Variants in PRDM16 observed in about 807,000 individuals in gnomAD.
The protein encoded by PRDM16 is histone-lysine N-methyltransferase PRDM16.
A neutral mutation model predicts 110.6 loss-of-function variants in PRDM16; 23 were observed. The ratio of observed to expected loss-of-function variants is 0.21; its 90% CI spans 0.15 to 0.29. PRDM16 has a LOEUF of 0.29. Among genes scored for constraint, PRDM16 ranks in the 10% least tolerant of loss-of-function variants. The probability of loss-of-function intolerance (pLI) is 1.00; values close to 1 mark genes in which losing one functional copy is unlikely to be tolerated. For synonymous variants in PRDM16, 799 were observed against 781.8 expected, an observed-to-expected ratio of 1.02 and a Z score of -0.37; for missense variants, 1,615 against 1,794.3, an observed-to-expected ratio of 0.90 and a Z score of 1.81.
chr1:3,128,750 C>T (rs1643264149), intron 1 of PRDM16, among the ~76,000 whole-genome samples: 2 of 152,348 alleles, frequency 1.3e-5, no homozygotes, highest in South Asian at 4.1e-4. Context: ...CCGGTGGTGG[C>T]AACGCTCCAA....
chr1:3,394,561 C>T (rs1332519018), intron 4 of PRDM16: 2 of 400,770 alleles, frequency 5.0e-6, no homozygotes, highest in Non-Finnish European at 1.0e-5. Context: ...CCACATTGCC[C>T]TCTAACGGGA....
At chr1:3,325,991 C>G (rs1557610563) in intron 3 of PRDM16, among the ~76,000 whole-genome samples, 1 of 146,442 alleles carries the variant, frequency 6.8e-6, no homozygotes, top group Non-Finnish European at 1.5e-5. Flanking sequence ...CCTCGACCAT[C>G]CTTGGCCCCC....
chr1:3,185,992 G>A, intron 1 of PRDM16, 133 bp from the exon 2 acceptor site: 1 of 708,022 alleles, frequency 1.4e-6, no homozygotes, highest in East Asian at 2.6e-5. Flanking sequence ...CCCGGGCAGG[G>A]GTGGCAGCCG....
At chr1:3,164,901 G>A (rs1439309828) in intron 1 of PRDM16, among the ~76,000 whole-genome samples, 3 of 152,192 alleles carry the variant, frequency 2.0e-5, no homozygotes, top group African/African-American at 7.2e-5. Context: ...GCCACCGTGG[G>A]GAATCAGATG....
chr1:3,279,370 C>T (rs957009953), intron 3 of PRDM16, among the ~76,000 whole-genome samples: 6 of 152,206 alleles, frequency 3.9e-5, no homozygotes, highest in Non-Finnish European at 7.3e-5. Context: ...GGCGGGCCCT[C>T]GCGGTGCCTC....
At chr1:3,373,228 C>A (rs1034275026) in intron 3 of PRDM16, among the ~76,000 whole-genome samples, 1 of 152,186 alleles carries the variant, frequency 6.6e-6, no homozygotes, top group Admixed American at 6.5e-5. Flanking sequence ...CCCCCTGCTG[C>A]AGTGCCGGCG....
At chr1:3,388,001 C>A (rs1364312099) in intron 4 of PRDM16, among the ~76,000 whole-genome samples, 1 of 152,274 alleles carries the variant, frequency 6.6e-6, no homozygotes, top group East Asian at 1.9e-4. Flanking sequence ...TTTCCATTCC[C>A]TGGCCTTGAC....
intron 3 of PRDM16, among the ~76,000 whole-genome samples, chr1:3,306,383 C>T (rs1418369671): frequency 6.6e-6 from 1 of 152,154 alleles, no homozygotes; most frequent in East Asian, 1.9e-4. Context: ...TATAAAAAAG[C>T]AAGGGGCTGA....
chr1:3,266,920 C>G (rs1640308293), intron 3 of PRDM16, among the ~76,000 whole-genome samples: 1 of 152,208 alleles, frequency 6.6e-6, no homozygotes, highest in Non-Finnish European at 1.5e-5. Flanking sequence ...TCAGGTGATC[C>G]ATCCGCCTCG....
chr1:3,129,321 T>C (rs12023098), intron 1 of PRDM16, among the ~76,000 whole-genome samples: 5 of 64,568 alleles, frequency 7.7e-5, no homozygotes. Flanking sequence ...CTGGTGTGTG[T>C]GTGGGTGTGT....
chr1:3,337,299 C>T (rs182969348), intron 3 of PRDM16, among the ~76,000 whole-genome samples: 40 of 152,302 alleles, frequency 2.6e-4, no homozygotes, highest in Middle Eastern at 3.4e-3. Context: ...ATTCAGGAGA[C>T]AGGAGAGAAA....
intron 14 of PRDM16, among the ~76,000 whole-genome samples, chr1:3,430,329 C>T (rs555943519): frequency 6.6e-6 from 1 of 152,344 alleles, no homozygotes; most frequent in African/African-American, 2.4e-5. Context: ...AGAGTCCCCC[C>T]ACAGGCTCCG....
At chr1:3,421,089 C>T (rs1638414437) in intron 12 of PRDM16, among the ~76,000 whole-genome samples, 3 of 152,340 alleles carry the variant, frequency 2.0e-5, no homozygotes, top group South Asian at 4.1e-4. Context: ...GCACGCGGCC[C>T]GTGCATGTCC....
chr1:3,174,942 G>C (rs1644068610), intron 1 of PRDM16, among the ~76,000 whole-genome samples: 1 of 152,196 alleles, frequency 6.6e-6, no homozygotes, highest in African/African-American at 2.4e-5. Flanking sequence ...TCAATCTGCT[G>C]TGTTAATAGC....
At chr1:3,164,998 A>G (rs1035761902) in intron 1 of PRDM16, among the ~76,000 whole-genome samples, 4 of 152,336 alleles carry the variant, frequency 2.6e-5, no homozygotes, top group African/African-American at 9.6e-5. Context: ...CCGTGTTCCA[A>G]TGGTAGGCTG....
At position 3,370,517 on chromosome 1, in the gene PRDM16, C is replaced by T. The variant is rs1569591813; in HGVS notation, c.439-14635C>T. Among the ~76,000 whole-genome samples the T allele has an allele frequency of 6.6e-6, 1 of 152,144 alleles. No homozygotes were observed. The highest frequency in any genetic ancestry group is 6.5e-5 in the Admixed American group (1 of 15,280). ...GGCTCTGGGAATCAGCCAGATAAAA[C>T]CTTCCAGCCCCACCACCCACCAGAG... is the stretch of plus-strand genomic sequence containing the variant. On this transcript the variant is annotated intron_variant, in intron 3 of 16. Coordinates refer to ENST00000270722, the MANE Select transcript of PRDM16 (RefSeq NM_022114.4). The surrounding 1 kb of genome is among the most constrained non-coding windows in gnomAD (Gnocchi z 4.8).
intron 1 of PRDM16, among the ~76,000 whole-genome samples, chr1:3,171,919 C>CA (rs372710247): frequency 1.3e-4 from 20 of 152,156 alleles, no homozygotes; most frequent in African/African-American, 4.8e-4. Flanking sequence ...AGCCGAGCTC[C>CA]AGGTGCAAGC....
rs1213288975 is a variant in PRDM16 at position 3,080,782 on chromosome 1, T to C, written c.37+11486T>C. On this transcript the variant is annotated intron_variant, in intron 1 of 16. Transcript: ENST00000270722. This position sits in a 1 kb window ranked among gnomAD's most constrained non-coding sequence, Gnocchi z 5.2. The stretch of plus-strand genomic sequence containing the variant: ...CGGTTTCTTCCGGGCCGGGGAAATC[T>C]GAGCAGCCACAGGCGAATCTGGGAC... 6.6e-6 allele frequency among the ~76,000 whole-genome samples: 1 copy of C among 152,098 alleles called. No homozygotes were observed. The highest frequency in any genetic ancestry group is 1.5e-5 in the Non-Finnish European group (1 of 68,026).
chr1:3,087,229 A>G (rs1642170902), intron 1 of PRDM16, among the ~76,000 whole-genome samples: 1 of 138,020 alleles, frequency 7.2e-6, no homozygotes. Context: ...GCCCCACCCG[A>G]GACCAGCCCC....
Sources: allele counts gnomAD v4.1 joint callset (sites outside exome capture counted in the v4.1 genomes callset), GRCh38; gene constraint gnomAD v4.1.1; non-coding constraint Gnocchi (gnomAD v3.1); transcripts MANE v1.5; gene names NCBI Gene and HGNC (gene_info 2026-07-23, HGNC 2026-07-21).